MCOLN1: variants seen among roughly 807,000 people sequenced by gnomAD.
MCOLN1 encodes mucolipin-1.
MCOLN1 carries 50 observed loss-of-function variants against 70.3 expected under a neutral mutation model. The observed-to-expected ratio is 0.71, with a 90% CI of 0.57 to 0.90. The LOEUF (loss-of-function observed/expected upper bound fraction) is 0.90, where lower values mean the gene tolerates loss of function less well. Among genes scored for constraint, MCOLN1 ranks in the 40% least tolerant of loss-of-function variants. MCOLN1 has a pLI of 0.00. For missense variants in MCOLN1, 598 were observed against 803.5 expected (o/e 0.74, Z 3.09); for synonymous variants, 366 against 341.0 (o/e 1.07, Z -0.81).
Position 7,527,975 on chromosome 19 carries a change from G to A in MCOLN1, c.777+15G>A, listed in dbSNP as rs1414012334. 2 of 1,606,314 alleles carry A rather than the reference G, an allele frequency of 1.2e-6. No individual in the cohort carries two copies. Among genetic ancestry groups the A allele is most frequent in the Non-Finnish European group, 8.5e-7 (1 of 1,172,924 alleles). On this transcript the variant is annotated intron_variant, in intron 6 of 13. Coordinates refer to ENST00000264079, the MANE Select transcript of MCOLN1 (RefSeq NM_020533.3). ...TCAGCGTCCTGGTGAGGCCCCCCGG[G>A]AACCCACAGGGCTCCTGAGTTCCAG...
Position 7,528,223 on chromosome 19 carries a change from C to G in MCOLN1, c.843C>G (p.Ile281Met). The G allele has an allele frequency of 1.2e-6, 2 of 1,614,128 alleles. No homozygotes were observed. The highest frequency in any genetic ancestry group is 1.7e-6 in the Non-Finnish European group (2 of 1,179,986). ...TCAGCCTGGAGACCCAGGCCCACATCCAGGAGTGTAAGCACCCCAGTGTCT... is the reference window on the plus strand; with the variant it reads ...TCAGCCTGGAGACCCAGGCCCACATGCAGGAGTGTAAGCACCCCAGTGTCT... ...IPISLETQAH[I>M]QECKHPSVFQ... The change falls in exon 7 of 14, where the codon ATC (isoleucine) becomes ATG (methionine). Residue 281 changes from isoleucine to methionine, a missense_variant. Ile to Met is a conservative substitution (Grantham distance 10). Coordinates refer to ENST00000264079, the MANE Select transcript of MCOLN1 (RefSeq NM_020533.3). This position sits in a 1 kb window ranked among gnomAD's most constrained non-coding sequence, Gnocchi z 4.2.
At position 7,525,010 on chromosome 19, in the gene MCOLN1, G is replaced by A. The variant is rs372370104; in HGVS notation, c.81G>A (p.Gly27=). Residue 27 remains glycine, a synonymous_variant, in exon 2 of 14, where the codon GGG becomes GGA. Transcript: ENST00000264079. The surrounding 1 kb of genome is among the most constrained non-coding windows in gnomAD (Gnocchi z 4.2). ...TPNPGYGTQA[G]PSPAPPTPPE... is the part of the protein sequence containing the mutation. ...ACCCCGGGTATGGGACCCAGGCGGG[G>A]CCTTCACCGGCCCCTCCGACACCCC... The A allele has an allele frequency of 8.1e-6, 13 of 1,613,684 alleles. No individual in the cohort carries two copies. Among genetic ancestry groups the A allele is most frequent in the South Asian group, 2.2e-5 (2 of 91,090 alleles).
intron 9 of MCOLN1, 62 bp downstream of exon 9, chr19:7,529,032 C>T: frequency 1.2e-6 from 2 of 1,613,526 alleles, no homozygotes; most frequent in South Asian, 1.1e-5. Flanking sequence ...CTATCCGGGG[C>T]CATATCCTCC....
Position 7,526,810 on chromosome 19 carries a change from G to A in MCOLN1, c.455G>A (p.Gly152Asp). The change falls in exon 4 of 14, where the codon GGT becomes GAT. Residue 152 changes from glycine to aspartate, a missense_variant. Around this residue, in one of 3 missense-constraint regions of MCOLN1, gnomAD observed 461 missense variants for 588.4 expected, o/e 0.78. Transcript: ENST00000264079. This position sits in a 1 kb window ranked among gnomAD's most constrained non-coding sequence, Gnocchi z 4.6. ...CTGGGCCGGTATGCGTATGTCCGTGGTGGGGGTGACCCTTGGACCAATGGC... is the reference window on the plus strand; with the variant it reads ...CTGGGCCGGTATGCGTATGTCCGTGATGGGGGTGACCCTTGGACCAATGGC... ...VSLGRYAYVR[G>D]GGDPWTNGSG... is the part of the protein sequence containing the mutation. The A allele has an allele frequency of 1.9e-6, 3 of 1,614,210 alleles. No homozygotes were observed. Among genetic ancestry groups the A allele is most frequent in the African/African-American group, 1.3e-5 (1 of 75,048 alleles).
Position 7,525,104 on chromosome 19 carries a change from A to G in MCOLN1, c.175A>G (p.Lys59Glu). 1 of 1,614,182 alleles carries G rather than the reference A, an allele frequency of 6.2e-7. No individual in the cohort carries two copies. Among genetic ancestry groups the G allele is most frequent in the African/African-American group, 1.3e-5 (1 of 75,064 alleles). The part of the protein sequence containing the change: ...FMSPCDKFRA[K>E]GRKPCKLMLQ... ...GAGTCCCTGCGACAAGTTTCGAGCC[A>G]AGGGCCGCAAGCCCTGCAAGCTGAT... is the stretch of plus-strand genomic sequence containing the variant. Residue 59 changes from lysine to glutamate, a missense_variant, in exon 2 of 14, where the codon AAG (lysine) becomes GAG (glutamate). Around this residue, in one of 3 missense-constraint regions of MCOLN1, gnomAD observed 461 missense variants for 588.4 expected, o/e 0.78. Coordinates refer to ENST00000264079, the MANE Select transcript of MCOLN1 (RefSeq NM_020533.3). The surrounding 1 kb of genome is among the most constrained non-coding windows in gnomAD (Gnocchi z 4.2).
chr19:7,529,505 C>CCCCCCCCCCCCCCCCAA, intron 10 of MCOLN1, 85 bp from the exon 11 acceptor site: 1 of 755,744 alleles, frequency 1.3e-6, no homozygotes, highest in Non-Finnish European at 2.3e-6. Context: ...GGCAAGGCCC[C>CCCCCCCCCCCCCCCCAA]GCCCCTCCCA....
chr19:7,529,125 A>G lies in MCOLN1; in HGVS notation c.1159A>G (p.Ser387Gly), dbSNP rs763871070. Residue 387 changes from serine (S) to glycine (G), a missense_variant, in exon 10 of 14, where the codon AGC becomes GGC. Ser to Gly is a moderately conservative substitution (Grantham distance 56). Transcript: ENST00000264079. ...AKNLASYDVC[S>G]ILLGTSTLLV... ...GAACTTGGCGAGCTACGACGTCTGC[A>G]GCATCCTCCTGGGCACCTCGACGCT... 6.2e-7 allele frequency: 1 copy of G among 1,613,974 alleles called. No homozygotes were observed. Among genetic ancestry groups the G allele is most frequent in the Non-Finnish European group, 8.5e-7 (1 of 1,180,018 alleles).
Position 7,529,723 on chromosome 19 carries a change from C to G in MCOLN1, c.1359+11C>G. 1 of 1,613,896 alleles carries G rather than the reference C, an allele frequency of 6.2e-7. No homozygotes were observed. Among genetic ancestry groups the G allele is most frequent in the African/African-American group, 1.3e-5 (1 of 75,028 alleles). On this transcript the variant is annotated intron_variant, in intron 11 of 13. Coordinates refer to ENST00000264079, the MANE Select transcript of MCOLN1 (RefSeq NM_020533.3). ...CCCTATCATGTGAAGGTACATCTAA[C>G]CCCTGATGTCCCTGACATTGACCCT...
At chr19:7,527,455 A>C in intron 4 of MCOLN1, 65 bp from the exon 5 acceptor site, 1 of 790,144 alleles carries the variant, frequency 1.3e-6, no homozygotes, top group South Asian at 1.3e-5. Context: ...GCCACTGGGG[A>C]CTCTGGGGAG....
intron 12 of MCOLN1, among the ~76,000 whole-genome samples, chr19:7,531,250 G>A (rs2022649796): frequency 6.6e-6 from 1 of 151,806 alleles, no homozygotes. Flanking sequence ...GCCCAGGCTG[G>A]AGTGCAATGG....
At position 7,526,657 on chromosome 19, in the gene MCOLN1, G is replaced by C; in HGVS notation, c.405+51G>C. ...TGGGCAGGCAGGTGCAGGTGGGCGG[G>C]CAGGTGCAGTTGGGCGGGCAGGTGC... On this transcript the variant is annotated intron_variant, in intron 3 of 13. Coordinates refer to ENST00000264079, the MANE Select transcript of MCOLN1 (RefSeq NM_020533.3). The surrounding 1 kb of genome is among the most constrained non-coding windows in gnomAD (Gnocchi z 4.6). 1 of 1,589,086 alleles carries C rather than the reference G, an allele frequency of 6.3e-7. No homozygotes were observed. Among genetic ancestry groups the C allele is most frequent in the Non-Finnish European group, 8.5e-7 (1 of 1,170,960 alleles).
Position 7,526,187 on chromosome 19 carries a change from C to T in MCOLN1, c.238-252C>T. 3.4e-6 allele frequency: 2 copies of T among 580,920 alleles called. No homozygotes were observed. The highest frequency in any genetic ancestry group is 6.2e-6 in the Non-Finnish European group (2 of 323,662). The allele number at this position is 580,920 out of a possible 1,614,324, so 36.0% of individuals were successfully genotyped here. A position where few individuals can be genotyped will look rare whatever the true frequency, so the allele number is the denominator to read the frequency against. On this transcript the variant is annotated intron_variant, in intron 2 of 13. Transcript: ENST00000264079. The surrounding 1 kb of genome is among the most constrained non-coding windows in gnomAD (Gnocchi z 4.6). ...CTGCAGTGAGATAGATGAGTCCCCA[C>T]CCTGTGTTGTACGGGGGAGGACACA...
chr19:7,527,189 T>C, intron 4 of MCOLN1: 1 of 588,782 alleles, frequency 1.7e-6, no homozygotes, highest in Middle Eastern at 4.7e-4. Flanking sequence ...GGAGGATCGC[T>C]TGAGTCCGGG....
chr19:7,527,674 A>G, intron 5 of MCOLN1, 46 bp downstream of exon 5: 2 of 1,337,970 alleles, frequency 1.5e-6, no homozygotes, highest in Non-Finnish European at 2.2e-6. Context: ...GGGAGGCAGC[A>G]CACTAGGCAC....
At chr19:7,533,079 T>G (rs2022684613) in intron 12 of MCOLN1, among the ~76,000 whole-genome samples, 1 of 152,258 alleles carries the variant, frequency 6.6e-6, no homozygotes, top group South Asian at 2.1e-4. Flanking sequence ...TGGATTCAGC[T>G]GTCCCACAGA....
In MCOLN1 at chr19:7,526,945, G is replaced by A; in HGVS notation, c.571+19G>A. On this transcript the variant is annotated intron_variant, in intron 4 of 13. Coordinates refer to ENST00000264079, the MANE Select transcript of MCOLN1 (RefSeq NM_020533.3). The surrounding 1 kb of genome is among the most constrained non-coding windows in gnomAD (Gnocchi z 4.6). ...GTTACTGGTGAGTGGGCAGGACGAG[G>A]CTTCACTGTTGGGAGCCTGAGCTGC... 3.1e-6 allele frequency: 5 copies of A among 1,614,006 alleles called. No homozygotes were observed. The highest frequency in any genetic ancestry group is 4.2e-6 in the Non-Finnish European group (5 of 1,180,014).
chr19:7,526,606 G>T lies in MCOLN1; in HGVS notation c.405G>T (p.Gln135His). ...LYQAIFHAVDQYLALPDVSLG... is the reference protein window; with the variant it reads ...LYQAIFHAVDHYLALPDVSLG... ...AGGCCATCTTCCATGCTGTGGACCA[G>T]GTGCTGGTGGGCGGGCAGGTGCTGG... The change falls in exon 3 of 14, where the codon CAG becomes CAT. Residue 135 changes from glutamine (Q) to histidine (H), a missense_variant and splice_region_variant. Around this residue, in one of 3 missense-constraint regions of MCOLN1, gnomAD observed 461 missense variants for 588.4 expected, o/e 0.78. Transcript: ENST00000264079. This position sits in a 1 kb window ranked among gnomAD's most constrained non-coding sequence, Gnocchi z 4.6. The T allele has an allele frequency of 6.2e-7, 1 of 1,610,888 alleles. No individual in the cohort carries two copies.
intron 12 of MCOLN1, among the ~76,000 whole-genome samples, chr19:7,531,177 C>T (rs1010504894): frequency 6.6e-6 from 1 of 152,154 alleles, no homozygotes. Flanking sequence ...GGATTACAGG[C>T]GTAAGCCACC....
chr19:7,522,671 G>C lies in MCOLN1; in HGVS notation c.-80G>C. On this transcript the variant is annotated 5_prime_UTR_variant, in exon 1 of 14. Transcript: ENST00000264079. ...GTTTGAAGCCGCGCCGCGAGGGAGC[G>C]AGGTCGCAGTGACAGCGGCGGGCGA... 2.2e-6 allele frequency: 3 copies of C among 1,373,362 alleles called. No homozygotes were observed. The highest frequency in any genetic ancestry group is 1.5e-5 in the African/African-American group (1 of 66,128). The allele number at this position is 1,373,362 out of a possible 1,614,324, so 85.1% of individuals were successfully genotyped here. A position where few individuals can be genotyped will look rare whatever the true frequency, so the allele number is the denominator to read the frequency against.
Sources: allele counts gnomAD v4.1 joint callset (sites outside exome capture counted in the v4.1 genomes callset), GRCh38; gene constraint gnomAD v4.1.1; regional missense constraint gnomAD v4.1.1; non-coding constraint Gnocchi (gnomAD v3.1); transcripts MANE v1.5; gene names NCBI Gene and HGNC (gene_info 2026-07-23, HGNC 2026-07-21).